CFAP210: variants seen among roughly 807,000 people sequenced by gnomAD.
CFAP210 encodes cilia- and flagella- associated protein 210.
chr2:169,666,886 C>A, the CFAP210 span, among the ~76,000 whole-genome samples: 1 of 152,182 alleles, frequency 6.6e-6, no homozygotes, highest in East Asian at 1.9e-4. Flanking sequence ...CAAGAAACCA[C>A]TTTCTTTGCT....
chr2:169,669,241 C>T, the CFAP210 span, among the ~76,000 whole-genome samples: 4 of 151,978 alleles, frequency 2.6e-5, no homozygotes, highest in Non-Finnish European at 4.4e-5. Context: ...GGTAGATGTT[C>T]GAGGCCCTGG....
chr2:169,685,698 T>A, the CFAP210 span, among the ~76,000 whole-genome samples: 5 of 127,102 alleles, frequency 3.9e-5, no homozygotes, highest in Admixed American at 4.0e-4. Flanking sequence ...ATAATAAAGA[T>A]GTATGTATAA....
chr2:169,661,736 AT>A, the CFAP210 span, among the ~76,000 whole-genome samples: 1 of 152,210 alleles, frequency 6.6e-6, no homozygotes, highest in African/African-American at 2.4e-5. Flanking sequence ...ACCACAGCAA[AT>A]ATAGCTATCC....
chr2:169,669,200 C>T, the CFAP210 span, among the ~76,000 whole-genome samples: 1 of 151,860 alleles, frequency 6.6e-6, no homozygotes, highest in Non-Finnish European at 1.5e-5. Flanking sequence ...AATTCCAGAC[C>T]ATAGAGAAAA....
At chr2:169,653,056 A>ATATATATATATG in the CFAP210 span, among the ~76,000 whole-genome samples, 2 of 101,994 alleles carry the variant, frequency 2.0e-5, no homozygotes, top group African/African-American at 7.4e-5. Context: ...ATATATATAT[A>ATATATATATATG]TATATATATA....
chr2:169,664,760 C>A, the CFAP210 span, among the ~76,000 whole-genome samples: 1 of 152,216 alleles, frequency 6.6e-6, no homozygotes, highest in Non-Finnish European at 1.5e-5. Flanking sequence ...GAAGCCTCCA[C>A]CAGGCAATCA....
the CFAP210 span, chr2:169,649,103 C>G: frequency 7.9e-7 from 1 of 1,270,500 alleles, no homozygotes; most frequent in South Asian, 1.7e-5. Flanking sequence ...GATGAAACTG[C>G]TTGGGAGTAG....
the CFAP210 span, among the ~76,000 whole-genome samples, chr2:169,663,776 G>A: frequency 1.1e-4 from 17 of 149,502 alleles, no homozygotes; most frequent in African/African-American, 3.7e-4. Flanking sequence ...CCAGGTTTAC[G>A]ATTGCCCTAA....
the CFAP210 span, among the ~76,000 whole-genome samples, chr2:169,684,378 C>T: frequency 0.41 from 61,847 of 152,010 alleles, 12,852 homozygotes; most frequent in Non-Finnish European, 0.44. Context: ...TTTTACTCTA[C>T]TGTCAAAGCT....
chr2:169,649,704 G>A, the CFAP210 span, among the ~76,000 whole-genome samples: 5 of 152,040 alleles, frequency 3.3e-5, no homozygotes, highest in South Asian at 2.1e-4. Context: ...CGAGGTGGGC[G>A]GATCACCTCG....
At chr2:169,679,680 CAAAAA>C in the CFAP210 span, among the ~76,000 whole-genome samples, 5 of 57,494 alleles carry the variant, frequency 8.7e-5, no homozygotes, top group African/African-American at 3.5e-4. Context: ...GACTCCATCT[CAAAAA>C]AAAAAAAAAA....
chr2:169,668,879 C>A, the CFAP210 span, among the ~76,000 whole-genome samples: 22 of 152,228 alleles, frequency 1.4e-4, no homozygotes, highest in East Asian at 4.2e-3. Flanking sequence ...CAAAATGTGA[C>A]ACAGAGACAT....
At chr2:169,688,285 T>C in the CFAP210 span, among the ~76,000 whole-genome samples, 1 of 152,234 alleles carries the variant, frequency 6.6e-6, no homozygotes, top group Non-Finnish European at 1.5e-5. Context: ...CTTGAATTTC[T>C]CCCCAGAAAA....
At chr2:169,665,724 G>C in the CFAP210 span, among the ~76,000 whole-genome samples, 1 of 152,206 alleles carries the variant, frequency 6.6e-6, no homozygotes, top group East Asian at 1.9e-4. Context: ...GGAGGGCTTT[G>C]TGCAGTACTG....
the CFAP210 span, chr2:169,649,078 A>ATTTTT: frequency 2.0e-6 from 2 of 990,620 alleles, no homozygotes; most frequent in Non-Finnish European, 2.9e-6. Flanking sequence ...CATAATGACC[A>ATTTTT]TTTTTTTCTT....
At chr2:169,662,903 G>C in the CFAP210 span, among the ~76,000 whole-genome samples, 1 of 152,236 alleles carries the variant, frequency 6.6e-6, no homozygotes, top group Non-Finnish European at 1.5e-5. Flanking sequence ...TCTGTAGCCA[G>C]TATTGACTAG....
At chr2:169,660,592 A>G in the CFAP210 span, among the ~76,000 whole-genome samples, 3,779 of 109,650 alleles carry the variant, frequency 0.034, 65 homozygotes, top group East Asian at 0.097. Flanking sequence ...CTTATTTTAT[A>G]TATATATATA....
chr2:169,654,233 T>A, the CFAP210 span: 1 of 1,537,100 alleles, frequency 6.5e-7, no homozygotes, highest in Non-Finnish European at 8.8e-7. Flanking sequence ...AAAAATTGTA[T>A]ATATTAACTT....
At chr2:169,686,999 G>T in the CFAP210 span, among the ~76,000 whole-genome samples, 1 of 152,148 alleles carries the variant, frequency 6.6e-6, no homozygotes, top group South Asian at 2.1e-4. Flanking sequence ...CTTCTTACAT[G>T]GTGGCAGCAA....
Sources: gnomAD v4.1 joint callset for allele counts (sites outside exome capture counted in the v4.1 genomes callset) on GRCh38, gnomAD v4.1.1 for gene constraint, MANE v1.5 for transcripts, NCBI Gene and HGNC (gene_info 2026-07-23, HGNC 2026-07-21) for gene names.